The following PIGG variants were observed in gnomAD, a reference collection of about 807,000 sequenced individuals.
PIGG encodes GPI ethanolamine phosphate transferase 2, catalytic subunit.
PIGG carries 70 observed loss-of-function variants against 83.2 expected under a neutral mutation model. The ratio of observed to expected loss-of-function variants is 0.84; its 90% CI spans 0.69 to 1.03. The LOEUF (loss-of-function observed/expected upper bound fraction) is 1.03. Among genes scored for constraint, PIGG ranks in the 50% least tolerant of loss-of-function variants. The pLI is 0.00. For missense variants in PIGG, 1,257 were observed against 1,233.6 expected (o/e 1.02, Z -0.28); for synonymous variants, 532 against 519.5 (o/e 1.02, Z -0.33).
chr4:505,796 G>A lies in PIGG; in HGVS notation c.439G>A (p.Val147Met), dbSNP rs1719471033. 2 of 1,613,560 alleles carry A rather than the reference G, an allele frequency of 1.2e-6. No homozygotes were observed. Among genetic ancestry groups the A allele is most frequent in the African/African-American group, 1.3e-5 (1 of 74,760 alleles). Residue 147 changes from valine to methionine, a missense_variant, in exon 3 of 13, where the codon GTG becomes ATG. By Grantham distance (21) the Val-to-Met change is conservative. Transcript: ENST00000453061. ...TTCTCCTGCACTGCTGGAAGACAGT[G>A]TGATAAGACAAGCAAAAGCAGCTGG... Reference protein sequence around the residue: ...LNSPALLEDSVIRQAKAAGKR... With the variant: ...LNSPALLEDSMIRQAKAAGKR...
Position 505,926 on chromosome 4 carries a change from A to T in PIGG, c.569A>T (p.Glu190Val). The change falls in exon 3 of 13, where the codon GAG (glutamate) becomes GTG (valine). Residue 190 changes from glutamate (E) to valine (V), a missense_variant and splice_region_variant. Coordinates refer to ENST00000453061, the MANE Select transcript of PIGG (RefSeq NM_001127178.3). ...TTSFFVSDYT[E>V]VDNNVTRHLD... ...TCATTTTTCGTGTCAGATTACACAG[A>T]GGTCAGTTTTTAAAATAAGAAAATA... 6.2e-7 allele frequency: 1 copy of T among 1,604,662 alleles called. No individual in the cohort carries two copies. The highest frequency in any genetic ancestry group is 1.1e-5 in the South Asian group (1 of 90,786).
Position 508,753 on chromosome 4 carries a change from C to G in PIGG, c.760-76C>G, listed in dbSNP as rs782166181. Reference sequence around the variant, plus strand: ...ACAACTCTATAAAGTAAAGCTAAAACCGAAAATTGTCTTCTTAAGATGATG... The same window carrying G: ...ACAACTCTATAAAGTAAAGCTAAAAGCGAAAATTGTCTTCTTAAGATGATG... On this transcript the variant is annotated intron_variant, in intron 4 of 12. Transcript: ENST00000453061. 5.7e-5 allele frequency: 80 copies of G among 1,404,716 alleles called. No homozygotes were observed. The African/African-American group carries it at 8.4e-4, about 15-fold the overall frequency. The allele number at this position is 1,404,716 out of a possible 1,614,324, so 87.0% of individuals were successfully genotyped here.
chr4:521,693 G>C lies in PIGG; in HGVS notation c.1366G>C (p.Ala456Pro), dbSNP rs754365494. ...LTLLLLSVPQALRRKAELEVP... is the reference protein window; with the variant it reads ...LTLLLLSVPQPLRRKAELEVP... ...CCTGCTCCTGCTCAGCGTCCCACAGGCACTGCGCAGAAAGGCTGAGCTGGA... is the reference window on the plus strand; with the variant it reads ...CCTGCTCCTGCTCAGCGTCCCACAGCCACTGCGCAGAAAGGCTGAGCTGGA... The change falls in exon 8 of 13, where the codon GCA becomes CCA. Residue 456 changes from alanine (A) to proline (P), a missense_variant. Physicochemically the swap from Ala to Pro is conservative, Grantham distance 27 (BLOSUM62 -1). Coordinates refer to ENST00000453061, the MANE Select transcript of PIGG (RefSeq NM_001127178.3). The C allele has an allele frequency of 6.2e-7, 1 of 1,614,102 alleles. No homozygotes were observed. The highest frequency in any genetic ancestry group is 1.1e-5 in the South Asian group (1 of 91,086).
At chr4:527,746 G>A in intron 10 of PIGG, 3 of 985,394 alleles carry the variant, frequency 3.0e-6, no homozygotes, top group Non-Finnish European at 3.6e-6. Context: ...ATTGGCGGGA[G>A]GGCTCAGTCA....
intron 8 of PIGG, chr4:522,300 G>A: frequency 2.0e-6 from 1 of 510,708 alleles, no homozygotes; most frequent in South Asian, 2.6e-5. Context: ...AGGTGTGGGA[G>A]CTGCAGCTGA....
chr4:506,341 C>T (rs561019511), intron 3 of PIGG, among the ~76,000 whole-genome samples: 8 of 152,308 alleles, frequency 5.3e-5, no homozygotes, highest in African/African-American at 9.6e-5. Context: ...GGAGCCTCAT[C>T]GTGCCCTGAG....
chr4:520,750 G>A (rs1340587258), intron 6 of PIGG, among the ~76,000 whole-genome samples: 3 of 152,258 alleles, frequency 2.0e-5, no homozygotes, highest in Non-Finnish European at 2.9e-5. Context: ...AAGTAAGAGC[G>A]ATGAGGGAGG....
chr4:499,765 C>A (rs1265036585), intron 1 of PIGG: 120 of 1,298,872 alleles, frequency 9.2e-5, no homozygotes, highest in Non-Finnish European at 8.6e-5. Context: ...CTCTCCACTT[C>A]TACTCGTCCA....
rs753843094 is a variant in PIGG at position 527,223 on chromosome 4, A to G, written c.2254A>G (p.Ile752Val). The G allele has an allele frequency of 3.6e-5, 57 of 1,589,908 alleles. No homozygotes were observed. Among genetic ancestry groups the G allele is most frequent in the Non-Finnish European group, 8.6e-7 (1 of 1,168,212 alleles). Residue 752 changes from isoleucine (I) to valine (V), a missense_variant, in exon 10 of 13, where the codon ATT becomes GTT. Transcript: ENST00000453061. ...RFPWRPDSKD[I>V]SKGIIEARFV... The stretch of plus-strand genomic sequence containing the variant: ...CCCGTGGCGGCCGGACAGCAAGGAC[A>G]TTTCCAAGTAAGTGCGTGGCGGACA...
At chr4:505,204 G>A (rs782071612) in intron 2 of PIGG, among the ~76,000 whole-genome samples, 7 of 151,938 alleles carry the variant, frequency 4.6e-5, no homozygotes, top group South Asian at 4.1e-4. Context: ...ATCCCTAGCC[G>A]CCTCCTTTAA....
At chr4:513,349 T>G (rs550016174) in intron 5 of PIGG, among the ~76,000 whole-genome samples, 19 of 152,226 alleles carry the variant, frequency 1.2e-4, no homozygotes, top group Non-Finnish European at 2.6e-4. Flanking sequence ...GTTAAAATGC[T>G]TATTATTTTG....
chr4:530,861 G>C, intron 11 of PIGG, 116 bp downstream of exon 11: 1 of 718,898 alleles, frequency 1.4e-6, no homozygotes, highest in East Asian at 2.5e-5. Flanking sequence ...GTGGCATGGT[G>C]AATTACGCTG....
At chr4:527,674 G>A (rs975162878) in intron 10 of PIGG, 6 of 988,406 alleles carry the variant, frequency 6.1e-6, no homozygotes, top group Non-Finnish European at 3.6e-6. Context: ...AAGCTTGCTG[G>A]AAAATCAGAC....
chr4:508,702 A>G (rs1720789498), intron 4 of PIGG, 127 bp from the exon 5 acceptor site: 3 of 814,340 alleles, frequency 3.7e-6, no homozygotes, highest in African/African-American at 3.4e-5. Context: ...ATAGGAAAAA[A>G]AAATCTAATT....
chr4:519,309 CGCCTGGCACAGT>C (rs1450709343), intron 6 of PIGG, among the ~76,000 whole-genome samples: 4 of 152,200 alleles, frequency 2.6e-5, no homozygotes, highest in Admixed American at 6.5e-5. Flanking sequence ...CCTGGCACAG[CGCCTGGCACAGT>C]GCCTGGCACG....
At chr4:525,304 C>G in intron 9 of PIGG, 1 of 985,230 alleles carries the variant, frequency 1.0e-6, no homozygotes, top group African/African-American at 1.7e-5. Flanking sequence ...AGAAAAATAA[C>G]TAAGATTTGC....
chr4:536,973 T>C (rs1730810392), intron 12 of PIGG: 1 of 152,168 alleles, frequency 6.6e-6, no homozygotes, highest in South Asian at 2.1e-4. Flanking sequence ...GCACTTTTCA[T>C]CTCTTACACA....
intron 12 of PIGG, among the ~76,000 whole-genome samples, chr4:534,709 G>A (rs549175717): frequency 5.3e-5 from 8 of 152,046 alleles, no homozygotes; most frequent in Middle Eastern, 3.4e-3. Context: ...AAGTTCCACC[G>A]GGGGGACCCC....
At position 530,285 on chromosome 4, in the gene PIGG, TG is replaced by T. The variant is rs931799681; in HGVS notation, c.2262-145del. 12 of 625,342 alleles carry T rather than the reference TG, an allele frequency of 1.9e-5. 1 individual carries two copies. The highest frequency in any genetic ancestry group is 2.7e-5 in the East Asian group (1 of 36,824). The allele number at this position is 625,342 out of a possible 1,614,324, so 38.7% of individuals were successfully genotyped here. The stretch of plus-strand genomic sequence containing the variant: ...ACATGCCCACTGCCATGACAGGACC[TG>T]GGGGGTAGGGAGGGTGCCGCGGCTC... On this transcript the variant is annotated intron_variant, in intron 10 of 12. Transcript: ENST00000453061.
Sources: gnomAD v4.1 joint callset for allele counts (sites outside exome capture counted in the v4.1 genomes callset) on GRCh38, gnomAD v4.1.1 for gene constraint, MANE v1.5 for transcripts, NCBI Gene and HGNC (gene_info 2026-07-23, HGNC 2026-07-21) for gene names.